Variants in SEMA3A observed in about 807,000 individuals in gnomAD.
SEMA3A encodes semaphorin 3A, also known as semaphorin-3A.
SEMA3A carries 29 observed loss-of-function variants against 97.9 expected under a neutral mutation model. That is an observed-to-expected ratio of 0.30 (90% CI 0.22 to 0.40). The LOEUF (loss-of-function observed/expected upper bound fraction) is 0.40, where lower values mean the gene tolerates loss of function less well. Ranked by LOEUF, SEMA3A falls within the 10% of genes least tolerant of loss-of-function variation. SEMA3A has a pLI of 1.00. For synonymous variants in SEMA3A, 321 were observed against 323.7 expected, an observed-to-expected ratio of 0.99 and a Z score of 0.09; for missense variants, 763 against 951.3, an observed-to-expected ratio of 0.80 and a Z score of 2.60.
chr7:83,961,436 G>T lies in SEMA3A; in HGVS notation c.2251C>A (p.Gln751Lys), dbSNP rs752218016. The change falls in exon 17 of 17, where the codon CAA (glutamine) becomes AAA (lysine). Residue 751 changes from glutamine (Q) to lysine (K), a missense_variant. By Grantham distance (53) the Gln-to-Lys change is moderately conservative. Transcript: ENST00000265362. ...PGNSNKWKHLQENKKGRNRRT... is the reference protein window; with the variant it reads ...PGNSNKWKHLKENKKGRNRRT... ...CTGTTTCTACCTTTCTTATTTTCTTGTAAGTGCTTCCATTTGTTACTGTTC... is the reference window on the plus strand; with the variant it reads ...CTGTTTCTACCTTTCTTATTTTCTTTTAAGTGCTTCCATTTGTTACTGTTC... 1.7e-5 allele frequency: 28 copies of T among 1,613,934 alleles called. 1 individual carries two copies. In the South Asian group the frequency reaches 3.1e-4, roughly 18 times the overall value.
intron 3 of SEMA3A, among the ~76,000 whole-genome samples, chr7:84,299,659 C>T (rs956607846): frequency 1.3e-5 from 2 of 151,570 alleles, no homozygotes; most frequent in South Asian, 2.1e-4. Flanking sequence ...CAAAACCCTC[C>T]AAAATCTCTA....
At chr7:84,319,272 G>A (rs927066496) in intron 2 of SEMA3A, among the ~76,000 whole-genome samples, 5 of 152,216 alleles carry the variant, frequency 3.3e-5, no homozygotes, top group Non-Finnish European at 7.4e-5. Context: ...TATTTAGAGG[G>A]AAAAGGAAAG....
intron 3 of SEMA3A, among the ~76,000 whole-genome samples, chr7:84,255,541 A>G (rs919692401): frequency 6.6e-6 from 1 of 152,130 alleles, no homozygotes; most frequent in African/African-American, 2.4e-5. Context: ...GAATTACTCA[A>G]ATGGATAGTC....
chr7:84,296,895 C>A (rs1478158590), intron 3 of SEMA3A, among the ~76,000 whole-genome samples: 1 of 152,132 alleles, frequency 6.6e-6, no homozygotes, highest in Non-Finnish European at 1.5e-5. Flanking sequence ...AGGTTTAAAA[C>A]CACTTCAAAT....
At chr7:84,149,047 C>A (rs1796549558) in intron 1 of SEMA3A, among the ~76,000 whole-genome samples, 1 of 151,690 alleles carries the variant, frequency 6.6e-6, no homozygotes, top group African/African-American at 2.4e-5. Flanking sequence ...ATTCTTCCAA[C>A]CCCACCTTGT....
chr7:83,985,378 T>G (rs1789583095), intron 13 of SEMA3A, 58 bp downstream of exon 13: 1 of 1,237,422 alleles, frequency 8.1e-7, no homozygotes, highest in Non-Finnish European at 1.2e-6. Flanking sequence ...ATATATCTAT[T>G]GAAACACCAG....
At chr7:84,477,811 A>G (rs1806335573) in intron 1 of SEMA3A, among the ~76,000 whole-genome samples, 1 of 152,228 alleles carries the variant, frequency 6.6e-6, no homozygotes, top group African/African-American at 2.4e-5. Context: ...TGAATGAAAT[A>G]AACATACGAC....
rs201585706 is a variant in SEMA3A at position 84,447,000 on chromosome 7, C to T, written c.-246+45460G>A. Among the ~76,000 whole-genome samples, 4 of 152,160 alleles carry T rather than the reference C, an allele frequency of 2.6e-5. No homozygotes were observed. In the East Asian group the frequency reaches 7.7e-4, roughly 29 times the overall value. On this transcript the variant is annotated intron_variant, in intron 1 of 3. Coordinates refer to the SEMA3A transcript ENST00000424555. The stretch of plus-strand genomic sequence containing the variant: ...CCGCACTCTCAAGGCCTGGGAAAAC[C>T]CCTGCTCCTGCAGGCTTGGAAGTGC...
chr7:84,436,330 T>C (rs1167038517), intron 1 of SEMA3A, among the ~76,000 whole-genome samples: 1 of 151,952 alleles, frequency 6.6e-6, no homozygotes, highest in Non-Finnish European at 1.5e-5. Context: ...AATTGATGAG[T>C]GGTACCTAAT....
intron 3 of SEMA3A, among the ~76,000 whole-genome samples, chr7:84,220,310 C>T (rs528802782): frequency 4.3e-4 from 66 of 152,128 alleles, no homozygotes; most frequent in Non-Finnish European, 7.8e-4. Flanking sequence ...AATTTCACCA[C>T]CCCTGCAATT....
chr7:84,216,132 G>A lies in SEMA3A; in HGVS notation c.-82-21464C>T, dbSNP rs147410983. 0.013 allele frequency among the ~76,000 whole-genome samples: 1,978 copies of A among 152,208 alleles called. 67 individuals are homozygous for A. In the East Asian group the frequency reaches 0.15, roughly 11 times the overall value. On this transcript the variant is annotated intron_variant, in intron 3 of 3. Transcript: ENST00000424555. ...TAGCCAGGTTGGAGTGCAGTGGCAC[G>A]ATCTCAGCTCACTGCCACCATCTCG...
At chr7:84,003,918 C>T (rs1790558167) in intron 11 of SEMA3A, among the ~76,000 whole-genome samples, 1 of 152,092 alleles carries the variant, frequency 6.6e-6, no homozygotes, top group African/African-American at 2.4e-5. Flanking sequence ...AACTTTCTCA[C>T]TCATAAAAGT....
At chr7:84,278,173 A>G (rs1272137259) in intron 3 of SEMA3A, among the ~76,000 whole-genome samples, 1 of 152,236 alleles carries the variant, frequency 6.6e-6, no homozygotes, top group East Asian at 1.9e-4. Flanking sequence ...ACAGGTCCCT[A>G]GGGCAGGGGT....
intron 5 of SEMA3A, among the ~76,000 whole-genome samples, chr7:84,059,475 GA>G (rs995490819): frequency 4.6e-5 from 7 of 151,848 alleles, no homozygotes; most frequent in Non-Finnish European, 8.8e-5. Flanking sequence ...TTCTGAGTAG[GA>G]AAAAATTATA....
At chr7:84,363,815 A>G (rs1802782356) in intron 2 of SEMA3A, among the ~76,000 whole-genome samples, 1 of 151,874 alleles carries the variant, frequency 6.6e-6, no homozygotes, top group Non-Finnish European at 1.5e-5. Context: ...AGCTTCCTTA[A>G]GAACTTTTCA....
At chr7:84,063,810 G>C (rs1793358666) in intron 4 of SEMA3A, among the ~76,000 whole-genome samples, 1 of 149,644 alleles carries the variant, frequency 6.7e-6, no homozygotes, top group Admixed American at 6.6e-5. Flanking sequence ...ACCTGAAAGT[G>C]ATGGGGAGAA....
chr7:84,273,167 T>C (rs1196576845), intron 3 of SEMA3A, among the ~76,000 whole-genome samples: 1 of 152,052 alleles, frequency 6.6e-6, no homozygotes, highest in African/African-American at 2.4e-5. Flanking sequence ...AACTAAGCAA[T>C]GAAAATACAA....
At chr7:84,190,746 C>CAT (rs531754094) in intron 1 of SEMA3A, among the ~76,000 whole-genome samples, 3 of 147,744 alleles carry the variant, frequency 2.0e-5, no homozygotes, top group Admixed American at 6.8e-5. Flanking sequence ...TACACACACA[C>CAT]ATATATATAA....
chr7:84,136,998 A>AAGGAAGGAAGGAAGGC (rs1796149470), intron 1 of SEMA3A, among the ~76,000 whole-genome samples: 1 of 151,282 alleles, frequency 6.6e-6, no homozygotes, highest in Non-Finnish European at 1.5e-5. Flanking sequence ...GGAAGGAAGG[A>AAGGAAGGAAGGAAGGC]AGGAAGGAAA....
Sources: gnomAD v4.1 joint callset for allele counts (sites outside exome capture counted in the v4.1 genomes callset) on GRCh38, gnomAD v4.1.1 for gene constraint, MANE v1.5 for transcripts, NCBI Gene and HGNC (gene_info 2026-07-23, HGNC 2026-07-21) for gene names.